Variants in RABGAP1L observed in about 807,000 individuals in gnomAD.
RABGAP1L encodes the protein RAB GTPase activating protein 1 like.
A neutral mutation model predicts 137.7 loss-of-function variants in RABGAP1L; 63 were observed. The ratio of observed to expected loss-of-function variants is 0.46; its 90% CI spans 0.37 to 0.56. The LOEUF is 0.56. RABGAP1L is among the 20% of genes least tolerant of loss of function. The pLI, the probability that RABGAP1L is intolerant of heterozygous loss-of-function variation, is 0.00. For synonymous variants in RABGAP1L, 431 were observed against 433.7 expected (o/e 0.99, Z 0.08); for missense variants, 1,095 against 1,244.0 (o/e 0.88, Z 1.80).
intron 19 of RABGAP1L, among the ~76,000 whole-genome samples, chr1:174,881,627 A>C (rs747370234): frequency 6.0e-5 from 9 of 150,394 alleles, no homozygotes; most frequent in Non-Finnish European, 1.3e-4. Context: ...AGCCTCCCCA[A>C]TAGCTAGGAT....
chr1:174,519,503 C>G (rs1275993261), intron 13 of RABGAP1L, among the ~76,000 whole-genome samples: 1 of 152,154 alleles, frequency 6.6e-6, no homozygotes, highest in Non-Finnish European at 1.5e-5. Context: ...AAGGGTGGGT[C>G]TGCCTTCCCC....
At chr1:174,258,128 A>G (rs1436133281) in intron 7 of RABGAP1L, among the ~76,000 whole-genome samples, 8 of 152,234 alleles carry the variant, frequency 5.3e-5, no homozygotes, top group South Asian at 2.1e-4. Flanking sequence ...TGTGATACAG[A>G]AGATTTAGTA....
intron 13 of RABGAP1L, among the ~76,000 whole-genome samples, chr1:174,439,491 G>A (rs376873980): frequency 1.2e-4 from 18 of 152,164 alleles, no homozygotes; most frequent in African/African-American, 4.3e-4. Context: ...TGCAGCATTT[G>A]GCATTTTTTA....
chr1:174,607,982 G>T lies in RABGAP1L; in HGVS notation c.1711-29393G>T, dbSNP rs186361170. On this transcript the variant is annotated intron_variant, in intron 13 of 25. Transcript: ENST00000681986. ...AACAATGAGATAATTTGTTTCATGT[G>T]GGTACAAATGTCGTGAATCATGGCA... 7.8e-3 allele frequency among the ~76,000 whole-genome samples: 1,182 copies of T among 152,250 alleles called. 10 individuals are homozygous for T. The highest frequency in any genetic ancestry group is 0.013 in the Non-Finnish European group (875 of 67,998).
intron 13 of RABGAP1L, among the ~76,000 whole-genome samples, chr1:174,471,106 C>T (rs575537246): frequency 3.9e-4 from 60 of 152,010 alleles, no homozygotes; most frequent in South Asian, 6.2e-4. Flanking sequence ...AGCTACTTTG[C>T]ATGGACTTCT....
chr1:174,543,806 T>G (rs1180534613), intron 13 of RABGAP1L, among the ~76,000 whole-genome samples: 1 of 152,220 alleles, frequency 6.6e-6, no homozygotes, highest in Non-Finnish European at 1.5e-5. Context: ...ACAAAATCTC[T>G]CAGCATTTGC....
intron 18 of RABGAP1L, among the ~76,000 whole-genome samples, chr1:174,767,443 T>C (rs531858925): frequency 6.6e-6 from 1 of 152,306 alleles, no homozygotes; most frequent in African/African-American, 2.4e-5. Context: ...TTATTCTGCT[T>C]GATGCTATTG....
intron 14 of RABGAP1L, among the ~76,000 whole-genome samples, chr1:174,655,531 T>C (rs895265862): frequency 6.6e-6 from 1 of 152,188 alleles, no homozygotes; most frequent in South Asian, 2.1e-4. Context: ...TTTTTTCCCA[T>C]TATTGGTGAT....
At chr1:174,893,279 G>A (rs1304316120) in intron 19 of RABGAP1L, 2 of 152,380 alleles carry the variant, frequency 1.3e-5, no homozygotes, top group Non-Finnish European at 2.9e-5. Flanking sequence ...TTTAAAAACT[G>A]CTTCAGTTCT....
chr1:174,195,722 T>TCTCTTTCTCTCTTTCC (rs1667591152), intron 1 of RABGAP1L, among the ~76,000 whole-genome samples: 1 of 80,034 alleles, frequency 1.2e-5, no homozygotes, highest in East Asian at 2.5e-4. Flanking sequence ...CTTTTCTTTC[T>TCTCTTTCTCTCTTTCC]TTTCTTTCTT....
intron 13 of RABGAP1L, among the ~76,000 whole-genome samples, chr1:174,527,277 C>T (rs983564516): frequency 1.2e-4 from 18 of 148,340 alleles, no homozygotes; most frequent in Non-Finnish European, 4.4e-5. Flanking sequence ...GATCTTGGCT[C>T]ACTTCAACCT....
rs529104263 is a variant in RABGAP1L at position 174,487,680 on chromosome 1, G to A, written c.1710+93535G>A. 5.3e-5 allele frequency among the ~76,000 whole-genome samples: 8 copies of A among 152,064 alleles called. No individual in the cohort carries two copies. In the South Asian group the frequency reaches 1.2e-3, roughly 24 times the overall value. On this transcript the variant is annotated intron_variant, in intron 13 of 25. Transcript: ENST00000681986. ...CTGCCTATTTGGTTTTGGTTGTTTCGTGGTCTTCTTATCCCTCTTTCCTTC... is the reference window on the plus strand; with the variant it reads ...CTGCCTATTTGGTTTTGGTTGTTTCATGGTCTTCTTATCCCTCTTTCCTTC...
At chr1:174,760,877 A>G (rs1685164632) in intron 18 of RABGAP1L, among the ~76,000 whole-genome samples, 1 of 152,204 alleles carries the variant, frequency 6.6e-6, no homozygotes. Context: ...GATTTTAGTC[A>G]TTATTCAACA....
intron 17 of RABGAP1L, among the ~76,000 whole-genome samples, chr1:174,702,887 ATATATATGGCT>A (rs1679762073): frequency 6.6e-6 from 1 of 152,110 alleles, no homozygotes; most frequent in African/African-American, 2.4e-5. Flanking sequence ...AGTATTATGC[ATATATATGGCT>A]TATATTGGTC....
At chr1:174,701,019 T>C (rs1679605601) in intron 16 of RABGAP1L, 2 of 1,282,646 alleles carry the variant, frequency 1.6e-6, no homozygotes, top group African/African-American at 1.5e-5. Context: ...AAGTACCTAA[T>C]GGGCACATTT....
intron 19 of RABGAP1L, among the ~76,000 whole-genome samples, chr1:174,913,409 A>G (rs1660362488): frequency 6.6e-6 from 1 of 152,224 alleles, no homozygotes; most frequent in African/African-American, 2.4e-5. Flanking sequence ...TTGTGTTTCT[A>G]GAGATAGAAG....
At chr1:174,466,479 A>G (rs1657305809) in intron 13 of RABGAP1L, among the ~76,000 whole-genome samples, 1 of 152,058 alleles carries the variant, frequency 6.6e-6, no homozygotes, top group Non-Finnish European at 1.5e-5. Flanking sequence ...ATTTTATAAA[A>G]TGTTTGCTAA....
chr1:174,712,234 C>T (rs540385652), intron 17 of RABGAP1L, among the ~76,000 whole-genome samples: 3 of 152,162 alleles, frequency 2.0e-5, no homozygotes, highest in Non-Finnish European at 4.4e-5. Context: ...GCTGCCCGAG[C>T]AGTCACCTTC....
intron 11 of RABGAP1L, among the ~76,000 whole-genome samples, chr1:174,323,596 A>G (rs1295027995): frequency 6.6e-6 from 1 of 152,144 alleles, no homozygotes; most frequent in Admixed American, 6.6e-5. Flanking sequence ...TGTATCTTCC[A>G]CTATTGTTTA....
Sources: gnomAD v4.1 joint callset for allele counts (sites outside exome capture counted in the v4.1 genomes callset) on GRCh38, gnomAD v4.1.1 for gene constraint, MANE v1.5 for transcripts, NCBI Gene and HGNC (gene_info 2026-07-23, HGNC 2026-07-21) for gene names.